GSPT1: variants seen among roughly 807,000 people sequenced by gnomAD.
The protein encoded by GSPT1 is G1 to S phase transition 1, also known as eukaryotic peptide chain release factor GTP-binding subunit ERF3A.
GSPT1 carries 20 observed loss-of-function variants against 72.5 expected under a neutral mutation model. The ratio of observed to expected loss-of-function variants is 0.28; its 90% CI spans 0.19 to 0.40. The LOEUF (loss-of-function observed/expected upper bound fraction) is 0.40. Ranked by LOEUF, GSPT1 falls within the 10% of genes least tolerant of loss-of-function variation. The pLI, the probability that GSPT1 is intolerant of heterozygous loss-of-function variation, is 1.00. For missense variants in GSPT1, 580 were observed against 811.9 expected, an observed-to-expected ratio of 0.71 and a Z score of 3.47; for synonymous variants, 334 against 293.5, an observed-to-expected ratio of 1.14 and a Z score of -1.41.
At chr16:11,916,001 C>A (rs2054633701), upstream of GSPT1, 2 of 684,298 alleles carry the variant, frequency 2.9e-6, no homozygotes, top group Non-Finnish European at 5.4e-6. Context: ...CACAGCCAAC[C>A]CCACCCCCGG....
At chr16:11,915,131 A>T (rs2054614951) in intron 1 of GSPT1, 4 of 1,102,400 alleles carry the variant, frequency 3.6e-6, no homozygotes, top group Non-Finnish European at 4.5e-6. Flanking sequence ...GAGGGGCGGC[A>T]CTCGGGTCCG....
intron 1 of GSPT1, 39 bp downstream of exon 1, chr16:11,915,330 G>A (rs1292553041): frequency 1.4e-6 from 2 of 1,428,202 alleles, no homozygotes; most frequent in African/African-American, 1.5e-5. Context: ...GTGGGCTCCG[G>A]CGCCCGGCCG....
At chr16:11,898,106 A>C in intron 1 of GSPT1, 71 bp from the exon 2 acceptor site, 1 of 958,744 alleles carries the variant, frequency 1.0e-6, no homozygotes, top group Non-Finnish European at 1.6e-6. Context: ...TTTAATATGC[A>C]GTAAAAACAG....
intron 7 of GSPT1, 107 bp from the exon 8 acceptor site, chr16:11,887,038 T>G (rs2054193794): frequency 2.3e-6 from 2 of 852,738 alleles, no homozygotes; most frequent in Non-Finnish European, 3.6e-6. Context: ...TTTTTTTTTT[T>G]GCAAGAAAAT....
intron 7 of GSPT1, 123 bp from the exon 8 acceptor site, chr16:11,887,054 C>T: frequency 1.4e-6 from 1 of 702,984 alleles, no homozygotes; most frequent in Non-Finnish European, 2.3e-6. Flanking sequence ...AAAATAGAAG[C>T]AAACGAGTTA....
intron 6 of GSPT1, among the ~76,000 whole-genome samples, chr16:11,888,295 A>C (rs763208190): frequency 9.9e-5 from 15 of 151,720 alleles, no homozygotes; most frequent in Non-Finnish European, 2.2e-4. Flanking sequence ...ATGAAACCTC[A>C]TCTCTACTAA....
At chr16:11,902,775 C>A (rs1041172249) in intron 1 of GSPT1, among the ~76,000 whole-genome samples, 3 of 151,794 alleles carry the variant, frequency 2.0e-5, no homozygotes, top group Non-Finnish European at 2.9e-5. Flanking sequence ...TTAGTAGAGA[C>A]GGGGGTTTCA....
At chr16:11,874,116 G>A (rs2054009888) in intron 14 of GSPT1, among the ~76,000 whole-genome samples, 10 of 152,158 alleles carry the variant, frequency 6.6e-5, no homozygotes, top group Admixed American at 5.9e-4. Context: ...TGGGGTGGAG[G>A]TGGGAATAAG....
rs1325545065 is a variant in GSPT1, at chr16:11,868,658, T to A, written c.*4461A>T. ...TTCCCTGGGCAGCAGGAAAAGGAGG[T>A]AACAAGGACTTGGGCTGACATCTGA... On this transcript the variant is annotated 3_prime_UTR_variant, in exon 15 of 15. Coordinates refer to ENST00000434724, the MANE Select transcript of GSPT1 (RefSeq NM_002094.4). The A allele has an allele frequency of 6.6e-6, 1 of 152,100 alleles. No individual in the cohort carries two copies. Among genetic ancestry groups the A allele is most frequent in the Non-Finnish European group, 1.5e-5 (1 of 68,050 alleles). The allele number at this position is 152,100 out of a possible 1,614,324, so 9.4% of individuals were successfully genotyped here.
rs2054206211 is a variant in GSPT1, at chr16:11,888,065, G to GAATC, written c.777-319_777-316dup. Among the ~76,000 whole-genome samples, 5 of 152,258 alleles carry GAATC rather than the reference G, an allele frequency of 3.3e-5. No individual in the cohort carries two copies. The South Asian group carries it at 1.0e-3, about 32-fold the overall frequency. On this transcript the variant is annotated intron_variant, in intron 6 of 14. Transcript: ENST00000434724. The stretch of plus-strand genomic sequence containing the variant: ...TAGTACTTAGGAGACTGAGGCAGGA[G>GAATC]AATCGCTTGAACCTGGGAGGAGGAG...
intron 1 of GSPT1, 129 bp downstream of exon 1, chr16:11,915,240 G>A: frequency 8.6e-7 from 1 of 1,164,078 alleles, no homozygotes. Context: ...CCCCACCCAG[G>A]CAGACGGCGC....
At chr16:11,887,437 G>T in intron 7 of GSPT1, 133 bp downstream of exon 7, 1 of 701,500 alleles carries the variant, frequency 1.4e-6, no homozygotes, top group East Asian at 2.7e-5. Flanking sequence ...TTAGTATGAT[G>T]AAAACTGTGA....
chr16:11,909,291 A>G (rs1262916100), intron 1 of GSPT1, among the ~76,000 whole-genome samples: 1 of 152,208 alleles, frequency 6.6e-6, no homozygotes, highest in Non-Finnish European at 1.5e-5. Flanking sequence ...GCCATTTACG[A>G]AGGAGCCATA....
intron 4 of GSPT1, 55 bp downstream of exon 4, chr16:11,896,503 G>T: frequency 1.1e-6 from 1 of 928,272 alleles, no homozygotes. Context: ...TAGCTAAAAA[G>T]GATGTTCTAT....
rs1444803203 is a variant in GSPT1, at chr16:11,868,825, A to G, written c.*4294T>C. On this transcript the variant is annotated 3_prime_UTR_variant, in exon 15 of 15. Transcript: ENST00000434724. ...TGTGACAAGGCAGAAAACAATAACC[A>G]TTTCAAGGATCACTTAAGGAATCCT... is the stretch of plus-strand genomic sequence containing the variant. 1 of 152,170 alleles carries G rather than the reference A, an allele frequency of 6.6e-6. No homozygotes were observed. Among genetic ancestry groups the G allele is most frequent in the Non-Finnish European group, 1.5e-5 (1 of 68,030 alleles). The allele number at this position is 152,170 out of a possible 1,614,324, so 9.4% of individuals were successfully genotyped here.
intron 1 of GSPT1, 82 bp downstream of exon 1, chr16:11,915,287 G>A: frequency 1.6e-6 from 2 of 1,253,606 alleles, no homozygotes; most frequent in Non-Finnish European, 2.0e-6. Context: ...GGGCCCCAGG[G>A]CCGCGCGCCC....
chr16:11,913,574 C>T (rs1452167166), intron 1 of GSPT1, among the ~76,000 whole-genome samples: 1 of 152,200 alleles, frequency 6.6e-6, no homozygotes, highest in Admixed American at 6.5e-5. Flanking sequence ...GGTTGGTTAT[C>T]CCCGGATGAC....
intron 1 of GSPT1, among the ~76,000 whole-genome samples, chr16:11,899,050 T>A (rs562490232): frequency 6.6e-6 from 1 of 152,316 alleles, no homozygotes; most frequent in Non-Finnish European, 1.5e-5. Context: ...GATTTTAGTT[T>A]GTCAGATACA....
chr16:11,888,577 C>T (rs1469846407), intron 6 of GSPT1, among the ~76,000 whole-genome samples: 1 of 151,842 alleles, frequency 6.6e-6, no homozygotes, highest in Middle Eastern at 3.2e-3. Flanking sequence ...TCCTGGCCAA[C>T]ATGGTGAGAC....
Sources: allele counts gnomAD v4.1 joint callset (sites outside exome capture counted in the v4.1 genomes callset), GRCh38; gene constraint gnomAD v4.1.1; transcripts MANE v1.5; gene names NCBI Gene and HGNC (gene_info 2026-07-23, HGNC 2026-07-21).